Variants in SHISA9 observed in about 807,000 individuals in gnomAD.
SHISA9 encodes protein shisa-9.
SHISA9 carries 13 observed loss-of-function variants against 38.0 expected under a neutral mutation model. The ratio of observed to expected loss-of-function variants is 0.34; its 90% CI spans 0.22 to 0.54. SHISA9 has a LOEUF of 0.54. SHISA9 is among the 20% of genes least tolerant of loss of function. SHISA9 has a pLI of 0.91. For missense variants in SHISA9, 538 were observed against 575.8 expected (o/e 0.93, Z 0.67); for synonymous variants, 275 against 242.0 (o/e 1.14, Z -1.27).
the SHISA9 span, among the ~76,000 whole-genome samples, chr16:13,374,518 G>A: frequency 6.6e-6 from 1 of 152,142 alleles, no homozygotes; most frequent in Non-Finnish European, 1.5e-5. Flanking sequence ...TGGCTGCATA[G>A]TATTCCATGG....
chr16:13,235,068 C>T lies in SHISA9; in HGVS notation c.934C>T (p.His312Tyr). ...VNDDFYTKRR[H>Y]LAELAAKGNL... ...TGACGACTTCTACACCAAGCGACGGCACCTGGCTGAGCTGGCTGCCAAGGG... is the reference window on the plus strand; with the variant it reads ...TGACGACTTCTACACCAAGCGACGGTACCTGGCTGAGCTGGCTGCCAAGGG... Residue 312 changes from histidine to tyrosine, a missense_variant, in exon 5 of 5, where the codon CAC becomes TAC. This residue lies in a region of SHISA9 where 326 missense variants were observed against 305.9 expected (regional missense o/e 1.07). Transcript: ENST00000558583. The T allele has an allele frequency of 2.6e-6, 4 of 1,551,476 alleles. No homozygotes were observed. Among genetic ancestry groups the T allele is most frequent in the South Asian group, 1.2e-5 (1 of 84,020 alleles).
intron 2 of SHISA9, among the ~76,000 whole-genome samples, chr16:12,961,659 G>T (rs1353261927): frequency 1.3e-5 from 2 of 152,234 alleles, no homozygotes; most frequent in African/African-American, 4.8e-5. Context: ...AACAGTGACC[G>T]CATCATATAT....
intron 2 of SHISA9, among the ~76,000 whole-genome samples, chr16:13,092,786 T>C (rs148793143): frequency 6.6e-6 from 1 of 152,250 alleles, no homozygotes; most frequent in Non-Finnish European, 1.5e-5. Context: ...TTGGGTGAGG[T>C]GACGCTCCGC....
At chr16:13,067,476 C>T (rs1293095751) in intron 2 of SHISA9, among the ~76,000 whole-genome samples, 3 of 152,344 alleles carry the variant, frequency 2.0e-5, no homozygotes, top group East Asian at 1.9e-4. Flanking sequence ...TGTGTCTCCC[C>T]TGCTGGACTT....
chr16:12,970,394 TATATATATACATATATATATATAC>T (rs2072049788), intron 2 of SHISA9, among the ~76,000 whole-genome samples: 3 of 18,334 alleles, frequency 1.6e-4, no homozygotes, highest in South Asian at 1.7e-3. Flanking sequence ...TATATGTATA[TATATATATACATATATATATATAC>T]ACATATATGT....
the SHISA9 span, among the ~76,000 whole-genome samples, chr16:13,440,262 T>C: frequency 6.6e-6 from 1 of 152,194 alleles, no homozygotes; most frequent in Non-Finnish European, 1.5e-5. Flanking sequence ...ACCCTCTAAT[T>C]CCCAGTCTTC....
the SHISA9 span, among the ~76,000 whole-genome samples, chr16:13,319,042 C>T: frequency 5.3e-5 from 8 of 152,334 alleles, no homozygotes; most frequent in African/African-American, 9.6e-5. Context: ...CTCACTCTGT[C>T]GCCTAGGCTG....
the SHISA9 span, among the ~76,000 whole-genome samples, chr16:13,289,015 T>A: frequency 6.6e-6 from 1 of 152,106 alleles, no homozygotes; most frequent in Admixed American, 6.5e-5. Context: ...CCACAGCAGT[T>A]GGTATCACCT....
At chr16:12,923,946 G>T (rs1167928644) in intron 2 of SHISA9, among the ~76,000 whole-genome samples, 1 of 152,132 alleles carries the variant, frequency 6.6e-6, no homozygotes, top group South Asian at 2.1e-4. Flanking sequence ...CACATGCTTT[G>T]TCTCACAGTG....
the SHISA9 span, among the ~76,000 whole-genome samples, chr16:13,479,297 T>C: frequency 9.2e-5 from 14 of 152,214 alleles, no homozygotes; most frequent in Admixed American, 3.3e-4. Context: ...CCATCATGTC[T>C]GCAAAGCCAC....
the SHISA9 span, among the ~76,000 whole-genome samples, chr16:13,322,821 C>G: frequency 6.6e-6 from 1 of 152,136 alleles, no homozygotes; most frequent in African/African-American, 2.4e-5. Flanking sequence ...TCTTCTTCTT[C>G]TAGATCAAAC....
chr16:13,107,793 A>G (rs549103295), intron 2 of SHISA9, among the ~76,000 whole-genome samples: 1 of 152,248 alleles, frequency 6.6e-6, no homozygotes, highest in Admixed American at 6.5e-5. Flanking sequence ...TTTGGAAACA[A>G]TGGGGATGAA....
intron 2 of SHISA9, among the ~76,000 whole-genome samples, chr16:13,170,365 G>C (rs1308313446): frequency 6.6e-6 from 1 of 152,134 alleles, no homozygotes; most frequent in African/African-American, 2.4e-5. Context: ...GAACTCAGGG[G>C]CTTTGTGTTA....
chr16:13,129,559 G>A (rs1347618107), intron 2 of SHISA9, among the ~76,000 whole-genome samples: 1 of 152,150 alleles, frequency 6.6e-6, no homozygotes, highest in Non-Finnish European at 1.5e-5. Context: ...TGGTACATCT[G>A]GTCTAGCTGG....
At chr16:13,153,863 G>C (rs1407797552) in intron 2 of SHISA9, among the ~76,000 whole-genome samples, 1 of 148,324 alleles carries the variant, frequency 6.7e-6, no homozygotes, top group Non-Finnish European at 1.5e-5. Context: ...TCAGTGTTGT[G>C]ATATAATTAC....
intron 2 of SHISA9, 132 bp from the exon 3 acceptor site, chr16:13,203,262 C>G: frequency 1.3e-6 from 1 of 765,314 alleles, no homozygotes; most frequent in East Asian, 3.0e-5. Flanking sequence ...TATCTGTGAA[C>G]CCTCTGCTGT....
the SHISA9 span, among the ~76,000 whole-genome samples, chr16:13,419,014 T>A: frequency 6.6e-6 from 1 of 152,210 alleles, no homozygotes; most frequent in Admixed American, 6.5e-5. Context: ...TGTAAGTAGT[T>A]GAAGAAAACT....
chr16:13,325,631 G>A, the SHISA9 span, among the ~76,000 whole-genome samples: 1 of 152,196 alleles, frequency 6.6e-6, no homozygotes, highest in South Asian at 2.1e-4. Context: ...ACAGCCAGTG[G>A]TGTAGTTGCA....
chr16:12,905,750 C>T (rs1596520393), intron 1 of SHISA9, among the ~76,000 whole-genome samples: 1 of 152,182 alleles, frequency 6.6e-6, no homozygotes, highest in Admixed American at 6.6e-5. Flanking sequence ...CACCACCACA[C>T]CTGGCTAATT....
Sources: allele counts gnomAD v4.1 joint callset (sites outside exome capture counted in the v4.1 genomes callset), GRCh38; gene constraint gnomAD v4.1.1; regional missense constraint gnomAD v4.1.1; transcripts MANE v1.5; gene names NCBI Gene and HGNC (gene_info 2026-07-23, HGNC 2026-07-21).